Variants in FAM228B observed in about 807,000 individuals in gnomAD.
FAM228B encodes the protein protein FAM228B.
A neutral mutation model predicts 42.6 loss-of-function variants in FAM228B; 38 were observed. The ratio of observed to expected loss-of-function variants is 0.89; its 90% CI spans 0.69 to 1.17. The LOEUF (loss-of-function observed/expected upper bound fraction) is 1.17, where lower values mean the gene tolerates loss of function less well. Among genes scored for constraint, FAM228B ranks in the 50% most tolerant of loss-of-function variants. The pLI is 0.00. For synonymous variants in FAM228B, 109 were observed against 122.3 expected (o/e 0.89, Z 0.72); for missense variants, 344 against 367.3 (o/e 0.94, Z 0.52).
intron 2 of FAM228B, among the ~76,000 whole-genome samples, chr2:24,126,445 T>G (rs2151013509): frequency 6.6e-6 from 1 of 152,370 alleles, no homozygotes; most frequent in Middle Eastern, 3.4e-3. Flanking sequence ...TGACTGATTA[T>G]GAGCATCTTT....
rs1052233708 is a variant in FAM228B at position 24,084,303 on chromosome 2, C to T, written c.-210+3348C>T. 6.2e-7 allele frequency: 1 copy of T among 1,614,058 alleles called. No individual in the cohort carries two copies. The highest frequency in any genetic ancestry group is 8.5e-7 in the Non-Finnish European group (1 of 1,179,992). On this transcript the variant is annotated intron_variant, in intron 2 of 10. Coordinates refer to the FAM228B transcript ENST00000613899. This position sits in a 1 kb window ranked among gnomAD's most constrained non-coding sequence, Gnocchi z 8.4. Reference sequence around the variant, plus strand: ...CGTAGAGGTTTTCCGGTCCTCCCGGCTTGTCAAAGTGCACGGCTAACATAT... The same window carrying T: ...CGTAGAGGTTTTCCGGTCCTCCCGGTTTGTCAAAGTGCACGGCTAACATAT...
At chr2:24,113,858 CAA>C (rs1558374975) in intron 3 of FAM228B, among the ~76,000 whole-genome samples, 2 of 152,090 alleles carry the variant, frequency 1.3e-5, no homozygotes, top group South Asian at 2.1e-4. Flanking sequence ...GCCTGGGTGA[CAA>C]GAGCAAAACT....
At chr2:24,081,727 C>T (rs898123974) in intron 2 of FAM228B, among the ~76,000 whole-genome samples, 1 of 146,932 alleles carries the variant, frequency 6.8e-6, no homozygotes, top group African/African-American at 2.5e-5. Flanking sequence ...CTCACTCTGT[C>T]ACCCAGGCTG....
At chr2:24,155,634 C>T (rs1335669067) in intron 7 of FAM228B, among the ~76,000 whole-genome samples, 1 of 146,268 alleles carries the variant, frequency 6.8e-6, no homozygotes, top group African/African-American at 2.5e-5. Context: ...TCTGCCTCCC[C>T]AGTTCAAGCA....
chr2:24,142,120 C>A (rs1217639885), intron 5 of FAM228B, among the ~76,000 whole-genome samples: 1 of 152,184 alleles, frequency 6.6e-6, no homozygotes, highest in Non-Finnish European at 1.5e-5. Context: ...CTGGCACTTC[C>A]CAGACCCTGC....
intron 5 of FAM228B, among the ~76,000 whole-genome samples, chr2:24,143,110 CAA>C (rs1327074602): frequency 6.6e-6 from 1 of 152,136 alleles, no homozygotes; most frequent in Non-Finnish European, 1.5e-5. Context: ...GTATCAAAAA[CAA>C]ATATCCACGA....
At chr2:24,133,034 G>T (rs949977053) in intron 2 of FAM228B, among the ~76,000 whole-genome samples, 1 of 152,034 alleles carries the variant, frequency 6.6e-6, no homozygotes, top group Non-Finnish European at 1.5e-5. Context: ...TCACCTTCCA[G>T]CTCCCATGCT....
At chr2:24,132,463 T>A (rs942351154) in intron 2 of FAM228B, among the ~76,000 whole-genome samples, 2 of 140,880 alleles carry the variant, frequency 1.4e-5, no homozygotes, top group Non-Finnish European at 3.0e-5. Context: ...GTCCTGGGAT[T>A]GTTTTTTTTT....
intron 2 of FAM228B, among the ~76,000 whole-genome samples, chr2:24,126,374 A>C (rs1306874249): frequency 1.3e-5 from 2 of 152,208 alleles, no homozygotes; most frequent in African/African-American, 4.8e-5. Context: ...TTTTTAACTC[A>C]AGACATTTTA....
At chr2:24,159,428 A>G (rs1444456206) in intron 7 of FAM228B, among the ~76,000 whole-genome samples, 1 of 152,264 alleles carries the variant, frequency 6.6e-6, no homozygotes, top group Non-Finnish European at 1.5e-5. Context: ...CATTTAACCT[A>G]GCCTAATAGA....
At chr2:24,155,654 C>A (rs6755037) in intron 7 of FAM228B, among the ~76,000 whole-genome samples, 5 of 149,324 alleles carry the variant, frequency 3.3e-5, no homozygotes, top group African/African-American at 1.2e-4. Flanking sequence ...AATTCTCCTG[C>A]CTCAGCCTCC....
At chr2:24,121,207 A>C (rs1666105422), upstream of FAM228B, 1 of 1,614,196 alleles carries the variant, frequency 6.2e-7, no homozygotes, top group South Asian at 1.1e-5. Context: ...ACACATCTGT[A>C]ATCTTTTCCC....
intron 9 of FAM228B, among the ~76,000 whole-genome samples, chr2:24,167,149 G>A (rs1412752012): frequency 1.3e-5 from 2 of 152,202 alleles, no homozygotes; most frequent in Admixed American, 6.5e-5. Context: ...TGCTGGAGCC[G>A]AGGCAGGGCC....
At chr2:24,141,158 T>A (rs1345563679) in intron 5 of FAM228B, among the ~76,000 whole-genome samples, 1 of 151,230 alleles carries the variant, frequency 6.6e-6, no homozygotes, top group Non-Finnish European at 1.5e-5. Flanking sequence ...TCCTGCAACC[T>A]CCCCATCCTG....
chr2:24,102,159 T>C (rs1157060846), intron 3 of FAM228B, among the ~76,000 whole-genome samples: 1 of 152,212 alleles, frequency 6.6e-6, no homozygotes, highest in East Asian at 1.9e-4. Context: ...AGCTGACAAC[T>C]TAATTAGATC....
At chr2:24,111,369 T>G (rs1167275625) in intron 3 of FAM228B, among the ~76,000 whole-genome samples, 1 of 152,156 alleles carries the variant, frequency 6.6e-6, no homozygotes, top group Non-Finnish European at 1.5e-5. Flanking sequence ...CCACTTCCAT[T>G]TTTTTTGTGG....
Position 24,139,519 on chromosome 2 carries a change from G to C in FAM228B, c.441+69G>C. The C allele has an allele frequency of 4.6e-6, 4 of 867,782 alleles. No homozygotes were observed. The South Asian group carries it at 6.2e-5, about 13-fold the overall frequency. 53.8% of individuals were successfully genotyped at this position (867,782 alleles called of 1,614,324 possible). On this transcript the variant is annotated intron_variant, in intron 5 of 10. Transcript: ENST00000615575. ...GTTGTTTTGAGCAGCCCTAATATAT[G>C]AGCAGTCCTTAAGCGATTCCCTAAA...
intron 8 of FAM228B, among the ~76,000 whole-genome samples, chr2:24,163,431 T>C (rs1667328342): frequency 6.6e-6 from 1 of 152,192 alleles, no homozygotes; most frequent in Admixed American, 6.5e-5. Context: ...GGGTTGTTTC[T>C]TGAATAGGAG....
chr2:24,147,777 G>C (rs1049897490), intron 7 of FAM228B, among the ~76,000 whole-genome samples: 11 of 152,012 alleles, frequency 7.2e-5, no homozygotes, highest in Non-Finnish European at 1.6e-4. Context: ...GTTCATGCAT[G>C]TTGTCCACCT....
Sources: gnomAD v4.1 joint callset for allele counts (sites outside exome capture counted in the v4.1 genomes callset) on GRCh38, gnomAD v4.1.1 for gene constraint, Gnocchi (gnomAD v3.1) non-coding constraint, MANE v1.5 for transcripts, NCBI Gene and HGNC (gene_info 2026-07-23, HGNC 2026-07-21) for gene names.